Variants in CENPW observed in about 807,000 individuals in gnomAD.
The protein encoded by CENPW is centromere protein W, also known as cancer-up-regulated gene 2 protein.
Under a neutral mutation model 11.1 loss-of-function variants are expected in CENPW, and 3 were observed. That is an observed-to-expected ratio of 0.27 (90% CI 0.12 to 0.70). The LOEUF is 0.70. CENPW is among the 30% of genes least tolerant of loss of function. The pLI is 0.77. For missense variants in CENPW, 100 were observed against 105.6 expected, an observed-to-expected ratio of 0.95 and a Z score of 0.23; for synonymous variants, 38 against 42.0, an observed-to-expected ratio of 0.91 and a Z score of 0.37.
At chr6:126,440,437 A>G in the CENPW span, among the ~76,000 whole-genome samples, 14 of 151,754 alleles carry the variant, frequency 9.2e-5, no homozygotes, top group South Asian at 2.9e-3. Flanking sequence ...AGTAACATTT[A>G]TGTTGTTTTA....
At chr6:126,415,823 C>T in the CENPW span, among the ~76,000 whole-genome samples, 1 of 152,182 alleles carries the variant, frequency 6.6e-6, no homozygotes, top group Non-Finnish European at 1.5e-5. Flanking sequence ...AACTGTCGGT[C>T]CAATAAACCT....
At chr6:126,370,119 C>G in the CENPW span, among the ~76,000 whole-genome samples, 3 of 152,118 alleles carry the variant, frequency 2.0e-5, no homozygotes, top group African/African-American at 7.2e-5. Context: ...CTATTCTGTT[C>G]CATTGGTCTA....
the CENPW span, among the ~76,000 whole-genome samples, chr6:126,381,460 G>A: frequency 6.6e-6 from 1 of 152,182 alleles, no homozygotes; most frequent in East Asian, 1.9e-4. Flanking sequence ...GTCCAGCTCT[G>A]TTAATGCAAC....
At chr6:126,383,033 G>T in the CENPW span, among the ~76,000 whole-genome samples, 1 of 152,138 alleles carries the variant, frequency 6.6e-6, no homozygotes, top group African/African-American at 2.4e-5. Context: ...AGAAAGAATG[G>T]TTATCTACAA....
chr6:126,350,526 C>G (rs1431241022), downstream of CENPW, among the ~76,000 whole-genome samples: 2 of 152,120 alleles, frequency 1.3e-5, no homozygotes, highest in Admixed American at 1.3e-4. Flanking sequence ...CTCCTAATAC[C>G]ATCACACTGG....
chr6:126,448,830 A>G, the CENPW span, among the ~76,000 whole-genome samples: 1 of 151,130 alleles, frequency 6.6e-6, no homozygotes, highest in African/African-American at 2.4e-5. Context: ...AAACAACACT[A>G]AGCCTATACC....
the CENPW span, among the ~76,000 whole-genome samples, chr6:126,454,029 T>G: frequency 6.6e-6 from 1 of 151,552 alleles, no homozygotes; most frequent in African/African-American, 2.4e-5. Flanking sequence ...CTAACTATCC[T>G]GAATATATAT....
At chr6:126,434,845 C>G in the CENPW span, among the ~76,000 whole-genome samples, 1 of 151,924 alleles carries the variant, frequency 6.6e-6, no homozygotes, top group Non-Finnish European at 1.5e-5. Context: ...GAGGAGACAT[C>G]AAAGATCAAT....
the CENPW span, among the ~76,000 whole-genome samples, chr6:126,380,220 A>G: frequency 6.6e-6 from 1 of 152,208 alleles, no homozygotes. Context: ...TAGTACTGAA[A>G]CATATCCTTT....
chr6:126,387,315 GAA>G, the CENPW span, among the ~76,000 whole-genome samples: 1 of 151,950 alleles, frequency 6.6e-6, no homozygotes, highest in African/African-American at 2.4e-5. Flanking sequence ...TCTGAAGTAA[GAA>G]AGAGTGATTA....
chr6:126,379,493 C>T, the CENPW span, among the ~76,000 whole-genome samples: 2 of 152,126 alleles, frequency 1.3e-5, no homozygotes, highest in Non-Finnish European at 2.9e-5. Flanking sequence ...GTCAGCCTGG[C>T]CCTTTAGGTG....
the CENPW span, among the ~76,000 whole-genome samples, chr6:126,372,577 A>G: frequency 2.6e-5 from 4 of 152,186 alleles, no homozygotes; most frequent in Admixed American, 1.3e-4. Context: ...TTTATTCCTC[A>G]GACAATATGT....
chr6:126,388,823 C>T, the CENPW span, among the ~76,000 whole-genome samples: 1 of 151,876 alleles, frequency 6.6e-6, no homozygotes, highest in African/African-American at 2.4e-5. Context: ...TTCTGCCACT[C>T]CTACTAGATT....
chr6:126,472,688 T>C, the CENPW span, among the ~76,000 whole-genome samples: 1 of 152,214 alleles, frequency 6.6e-6, no homozygotes, highest in African/African-American at 2.4e-5. Context: ...GTAGACTATA[T>C]GGTAAGTGCA....
the CENPW span, among the ~76,000 whole-genome samples, chr6:126,432,390 G>A: frequency 6.6e-6 from 1 of 152,206 alleles, no homozygotes; most frequent in Non-Finnish European, 1.5e-5. Context: ...CCATTAGCAA[G>A]TATGTCTCTG....
chr6:126,374,362 TG>T, the CENPW span, among the ~76,000 whole-genome samples: 1 of 152,162 alleles, frequency 6.6e-6, no homozygotes, highest in South Asian at 2.1e-4. Context: ...GAGCCATCTT[TG>T]GGTTTAGAAA....
the CENPW span, among the ~76,000 whole-genome samples, chr6:126,356,010 A>T: frequency 6.6e-6 from 1 of 152,202 alleles, no homozygotes; most frequent in Non-Finnish European, 1.5e-5. Context: ...AAGGGAAAGA[A>T]CATTGCTGCA....
At chr6:126,360,470 A>C in the CENPW span, among the ~76,000 whole-genome samples, 1 of 152,154 alleles carries the variant, frequency 6.6e-6, no homozygotes, top group Non-Finnish European at 1.5e-5. Flanking sequence ...CATGTCAACC[A>C]TTCTGGCTAG....
At chr6:126,342,476 G>C (rs532237130) in intron 1 of CENPW, among the ~76,000 whole-genome samples, 1 of 152,200 alleles carries the variant, frequency 6.6e-6, no homozygotes, top group South Asian at 2.1e-4. Context: ...GTGGTATGCA[G>C]CTTCTTGAGG....
Sources: allele counts gnomAD v4.1 joint callset (sites outside exome capture counted in the v4.1 genomes callset), GRCh38; gene constraint gnomAD v4.1.1; transcripts MANE v1.5; gene names NCBI Gene and HGNC (gene_info 2026-07-23, HGNC 2026-07-21).